GLCCI1: variants seen among roughly 807,000 people sequenced by gnomAD.
The protein encoded by GLCCI1 is glucocorticoid induced 1.
GLCCI1 carries 24 observed loss-of-function variants against 52.2 expected under a neutral mutation model. The ratio of observed to expected loss-of-function variants is 0.46; its 90% CI spans 0.33 to 0.65. The LOEUF (loss-of-function observed/expected upper bound fraction) is 0.65. GLCCI1 is among the 30% of genes least tolerant of loss of function. The probability of loss-of-function intolerance (pLI) is 0.02; values close to 1 mark genes in which losing one functional copy is unlikely to be tolerated. For synonymous variants in GLCCI1, 310 were observed against 276.5 expected (o/e 1.12, Z -1.20); for missense variants, 704 against 701.5 (o/e 1.00, Z -0.04).
chr7:8,027,540 C>T (rs1279711431), intron 3 of GLCCI1, among the ~76,000 whole-genome samples: 1 of 151,498 alleles, frequency 6.6e-6, no homozygotes, highest in Non-Finnish European at 1.5e-5. Flanking sequence ...AAAAGGAAGA[C>T]AAGAAGGGTA....
intron 5 of GLCCI1, among the ~76,000 whole-genome samples, chr7:8,066,463 C>A (rs1040918426): frequency 1.3e-4 from 20 of 151,338 alleles, no homozygotes; most frequent in African/African-American, 4.6e-4. Flanking sequence ...TTCTCTAGTC[C>A]CTCTATATGT....
intron 1 of GLCCI1, among the ~76,000 whole-genome samples, chr7:7,996,841 G>C (rs1451136433): frequency 6.6e-6 from 1 of 152,204 alleles, no homozygotes; most frequent in East Asian, 1.9e-4. Context: ...TTCTGTGGTA[G>C]GGTTCCAGGT....
intron 2 of GLCCI1, among the ~76,000 whole-genome samples, 196 bp from the exon 3 acceptor site, chr7:8,022,287 C>G (rs921436115): frequency 6.6e-6 from 1 of 152,064 alleles, no homozygotes; most frequent in Non-Finnish European, 1.5e-5. Context: ...TCAGAGACAT[C>G]TTTGAGCATA....
Position 8,004,010 on chromosome 7 carries a change from G to A in GLCCI1, c.560G>A (p.Arg187Gln), listed in dbSNP as rs1442304190. ...TGPYLTGQWP[R>Q]DPHVHYPSCM... ...CCTTACCTCACAGGACAGTGGCCAC[G>A]GGATCCTCATGTTCACTACCCTTCA... Residue 187 changes from arginine (R) to glutamine (Q), a missense_variant, in exon 2 of 8, where the codon CGG becomes CAG. Arg to Gln is a conservative substitution (Grantham distance 43, BLOSUM62 1). Transcript: ENST00000223145. 4.3e-6 allele frequency: 7 copies of A among 1,613,560 alleles called. No individual in the cohort carries two copies. Among genetic ancestry groups the A allele is most frequent in the Admixed American group, 1.7e-5 (1 of 59,942 alleles).
Position 8,071,042 on chromosome 7 carries a change from A to G in GLCCI1, c.1088A>G (p.His363Arg), listed in dbSNP as rs148958007. 7 of 1,614,080 alleles carry G rather than the reference A, an allele frequency of 4.3e-6. No homozygotes were observed. The highest frequency in any genetic ancestry group is 1.1e-5 in the South Asian group (1 of 91,080). ...GAGCGCAGCAGTAGCTGCAGCAGTC[A>G]TTCACCCTGTGTCTCCCCTTTTTGT... ...VQERSSSCSS[H>R]SPCVSPFCPP... Residue 363 changes from histidine (H) to arginine (R), a missense_variant, in exon 6 of 8, where the codon CAT becomes CGT. His to Arg is a conservative substitution (Grantham distance 29, BLOSUM62 0). Around this residue, in one of 3 missense-constraint regions of GLCCI1, gnomAD observed 547 missense variants for 524.8 expected, o/e 1.04. Transcript: ENST00000223145.
At chr7:7,975,070 G>A (rs1780436991) in intron 1 of GLCCI1, among the ~76,000 whole-genome samples, 1 of 152,132 alleles carries the variant, frequency 6.6e-6, no homozygotes, top group South Asian at 2.1e-4. Flanking sequence ...GGGAACTGAT[G>A]GAAGGCAGAT....
In GLCCI1 at chr7:8,071,003, C is replaced by T. The variant is rs748964772; in HGVS notation, c.1049C>T (p.Thr350Ile). Reference protein sequence around the residue: ...SSSTRSIDTQTPSVQERSSSC... With the variant: ...SSSTRSIDTQIPSVQERSSSC... ...AGTACTCGCAGCATTGACACTCAGA[C>T]TCCTTCTGTCCAGGAGCGCAGCAGT... The change falls in exon 6 of 8, where the codon ACT becomes ATT. Residue 350 changes from threonine to isoleucine, a missense_variant. Transcript: ENST00000223145. The T allele has an allele frequency of 1.2e-6, 2 of 1,614,212 alleles. No homozygotes were observed. The highest frequency in any genetic ancestry group is 1.6e-4 in the Middle Eastern group (1 of 6,062).
chr7:8,074,692 A>G (rs1308022543), intron 6 of GLCCI1, among the ~76,000 whole-genome samples: 2 of 152,212 alleles, frequency 1.3e-5, no homozygotes, highest in African/African-American at 4.8e-5. Flanking sequence ...CTCAAAAAAA[A>G]GATACTAATT....
At chr7:8,016,778 A>G (rs184025184) in intron 2 of GLCCI1, among the ~76,000 whole-genome samples, 2 of 152,360 alleles carry the variant, frequency 1.3e-5, no homozygotes, top group African/African-American at 4.8e-5. Context: ...TATCTATGAC[A>G]TAACAGACAC....
chr7:8,073,723 T>A (rs188151698), intron 6 of GLCCI1, among the ~76,000 whole-genome samples: 69 of 152,326 alleles, frequency 4.5e-4, no homozygotes, highest in East Asian at 2.9e-3. Context: ...GTGATTTTTT[T>A]AAAATCTCTT....
intron 3 of GLCCI1, among the ~76,000 whole-genome samples, chr7:8,029,098 C>T (rs2127950999): frequency 6.6e-6 from 1 of 152,242 alleles, no homozygotes; most frequent in Non-Finnish European, 1.5e-5. Flanking sequence ...CAAACTCATT[C>T]TACAAGACTA....
chr7:7,988,621 T>C (rs924973951), intron 1 of GLCCI1, among the ~76,000 whole-genome samples: 2 of 152,164 alleles, frequency 1.3e-5, no homozygotes, highest in Non-Finnish European at 2.9e-5. Context: ...ATTAAGAACC[T>C]AATGTGGAGA....
At chr7:8,074,697 C>CTAAT (rs1225947336) in intron 6 of GLCCI1, among the ~76,000 whole-genome samples, 1 of 152,116 alleles carries the variant, frequency 6.6e-6, no homozygotes, top group African/African-American at 2.4e-5. Flanking sequence ...AAAAAAGATA[C>CTAAT]TAATTCTTTC....
intron 4 of GLCCI1, among the ~76,000 whole-genome samples, chr7:8,056,806 C>T (rs1268246855): frequency 6.6e-6 from 1 of 152,064 alleles, no homozygotes; most frequent in Non-Finnish European, 1.5e-5. Context: ...CATAATGTGA[C>T]TAACTGCAAA....
chr7:8,037,323 T>A (rs1203688969), intron 3 of GLCCI1, among the ~76,000 whole-genome samples: 1 of 152,186 alleles, frequency 6.6e-6, no homozygotes, highest in Non-Finnish European at 1.5e-5. Flanking sequence ...GGGGAAATAG[T>A]ATTTCCCAGA....
intron 6 of GLCCI1, among the ~76,000 whole-genome samples, chr7:8,073,405 T>C (rs563675264): frequency 4.6e-5 from 7 of 152,278 alleles, no homozygotes; most frequent in Non-Finnish European, 1.0e-4. Context: ...TTAGACCTTT[T>C]CCTAAGTTTG....
rs531580377 is a variant in GLCCI1, at chr7:8,009,832, A to G, written c.609+5773A>G. 2.6e-5 allele frequency among the ~76,000 whole-genome samples: 4 copies of G among 152,030 alleles called. No homozygotes were observed. In the South Asian group the frequency reaches 8.3e-4, roughly 31 times the overall value. On this transcript the variant is annotated intron_variant, in intron 2 of 7. Transcript: ENST00000223145. ...AATTTTTGTAGGCCTTTCAGAGCAT[A>G]GTATGTTATTTTTATTAATTAAAAG... is the stretch of plus-strand genomic sequence containing the variant.
chr7:8,072,014 G>C lies in GLCCI1; in HGVS notation c.1177+883G>C, dbSNP rs73053566. Reference sequence around the variant, plus strand: ...TGTAAGTAAAATGCCCAGATCATAAGTGCTCAGCCAAATGAATTTTTACAT... The same window carrying C: ...TGTAAGTAAAATGCCCAGATCATAACTGCTCAGCCAAATGAATTTTTACAT... On this transcript the variant is annotated intron_variant, in intron 6 of 7. Coordinates refer to ENST00000223145, the MANE Select transcript of GLCCI1 (RefSeq NM_138426.4). Among the ~76,000 whole-genome samples the C allele has an allele frequency of 3.2e-3, 485 of 152,262 alleles. 1 individual carries two copies. The highest frequency in any genetic ancestry group is 5.3e-3 in the Non-Finnish European group (362 of 68,008).
At chr7:8,082,870 C>T (rs2127969282) in intron 6 of GLCCI1, among the ~76,000 whole-genome samples, 1 of 152,266 alleles carries the variant, frequency 6.6e-6, no homozygotes. Flanking sequence ...CCTTTGAAAC[C>T]ATCAGTAAAA....
Sources: allele counts gnomAD v4.1 joint callset (sites outside exome capture counted in the v4.1 genomes callset), GRCh38; gene constraint gnomAD v4.1.1; regional missense constraint gnomAD v4.1.1; transcripts MANE v1.5; gene names NCBI Gene and HGNC (gene_info 2026-07-23, HGNC 2026-07-21).